The following SLCO4A1 variants were observed in gnomAD, a reference collection of about 807,000 sequenced individuals.
SLCO4A1 encodes the protein colon organic anion transporter.
Under a neutral mutation model 64.6 loss-of-function variants are expected in SLCO4A1, and 51 were observed. That is an observed-to-expected ratio of 0.79 (90% CI 0.63 to 1.00). The LOEUF (loss-of-function observed/expected upper bound fraction) is 1.00. SLCO4A1 is among the 50% of genes least tolerant of loss of function. SLCO4A1 has a pLI of 0.00. For synonymous variants in SLCO4A1, 471 were observed against 444.9 expected, an observed-to-expected ratio of 1.06 and a Z score of -0.74; for missense variants, 919 against 980.5, an observed-to-expected ratio of 0.94 and a Z score of 0.84.
In SLCO4A1 at chr20:62,671,784, T is replaced by C; in HGVS notation, c.2060T>C (p.Phe687Ser). Residue 687 changes from phenylalanine (F) to serine (S), a missense_variant, in exon 12 of 12, where the codon TTC (phenylalanine) becomes TCC (serine). Coordinates refer to ENST00000217159, the MANE Select transcript of SLCO4A1 (RefSeq NM_016354.4). ...GTCCTCTTCTTTGCCATAGCCTGCTTCTTATACAAGCCCCTGTCGGAGTCT... is the reference window on the plus strand; with the variant it reads ...GTCCTCTTCTTTGCCATAGCCTGCTCCTTATACAAGCCCCTGTCGGAGTCT... ...LGVLFFAIAC[F>S]LYKPLSESSD... 1 of 1,613,670 alleles carries C rather than the reference T, an allele frequency of 6.2e-7. No homozygotes were observed. Among genetic ancestry groups the C allele is most frequent in the Non-Finnish European group, 8.5e-7 (1 of 1,179,996 alleles).
rs1400378171 is a variant in SLCO4A1 at position 62,661,315 on chromosome 20, T to G, written c.1121+140T>G. ...CTGTCGTGACCCTGGGCCAAGAGAT[T>G]AAGGAGCAACAGATAGAGCCTCTGG... On this transcript the variant is annotated intron_variant, in intron 5 of 11. Coordinates refer to ENST00000217159, the MANE Select transcript of SLCO4A1 (RefSeq NM_016354.4). The surrounding 1 kb of genome is among the most constrained non-coding windows in gnomAD (Gnocchi z 5.2). 9.3e-6 allele frequency: 6 copies of G among 647,260 alleles called. No individual in the cohort carries two copies. The highest frequency in any genetic ancestry group is 1.4e-5 in the Non-Finnish European group (5 of 363,166). The allele number at this position is 647,260 out of a possible 1,614,324, so 40.1% of individuals were successfully genotyped here. A position where few individuals can be genotyped will look rare whatever the true frequency, so the allele number is the denominator to read the frequency against.
At chr20:62,688,571 G>A (rs1269259621), downstream of SLCO4A1, among the ~76,000 whole-genome samples, 1 of 152,238 alleles carries the variant, frequency 6.6e-6, no homozygotes, top group Admixed American at 6.5e-5. Flanking sequence ...AAGAGCAGCA[G>A]CTCAGGCTTT....
chr20:62,660,530 C>A lies in SLCO4A1; in HGVS notation c.1006C>A (p.Pro336Thr), dbSNP rs1196486749. The A allele has an allele frequency of 6.2e-7, 1 of 1,604,898 alleles. No homozygotes were observed. The highest frequency in any genetic ancestry group is 8.5e-7 in the Non-Finnish European group (1 of 1,179,898). The change falls in exon 4 of 12, where the codon CCA becomes ACA. Residue 336 changes from proline (P) to threonine (T), a missense_variant. By Grantham distance (38) the Pro-to-Thr change is conservative. Coordinates refer to ENST00000217159, the MANE Select transcript of SLCO4A1 (RefSeq NM_016354.4). ...VPILGYPRQL[P>T]GSQRYAVMRA... ...CATCCTTGGTTACCCTCGGCAGCTG[C>A]CAGGTGGGTTTCCCTTCCCCAGCCC...
At position 62,670,682 on chromosome 20, in the gene SLCO4A1, AG is replaced by A. The variant is rs527539142; in HGVS notation, c.2026-1066del. Among the ~76,000 whole-genome samples, 358 of 152,330 alleles carry A rather than the reference AG, an allele frequency of 2.4e-3. 1 individual carries two copies. Among genetic ancestry groups the A allele is most frequent in the African/African-American group, 8.0e-3 (331 of 41,584 alleles). ...GATGCATCCCTTAGCTGGGAGCAGC[AG>A]GCTGAGAGCCCTCCACACGCAGCCA... On this transcript the variant is annotated intron_variant, in intron 11 of 11. Coordinates refer to ENST00000217159, the MANE Select transcript of SLCO4A1 (RefSeq NM_016354.4).
At position 62,672,024 on chromosome 20, in the gene SLCO4A1, AG is replaced by A. The variant is rs1193533504; in HGVS notation, c.*132del. ...ACCTTCTACTTAACCTGTGGTTTAA[AG>A]TCGGCTGTGACCTCCTGTCCCCAGA... On this transcript the variant is annotated 3_prime_UTR_variant, in exon 12 of 12. Transcript: ENST00000217159. 1 of 1,570,034 alleles carries A rather than the reference AG, an allele frequency of 6.4e-7. No homozygotes were observed.
chr20:62,664,780 TCCCA>T (rs1020565651), intron 5 of SLCO4A1, 150 bp from the exon 6 acceptor site: 5 of 901,258 alleles, frequency 5.5e-6, no homozygotes, highest in African/African-American at 5.1e-5. Context: ...AGCAGGTTCC[TCCCA>T]CCCTGGGTCT....
rs1039617480 is a variant in SLCO4A1 at position 62,657,063 on chromosome 20, G to C, written c.609G>C (p.Ala203=). 6.3e-7 allele frequency: 1 copy of C among 1,598,794 alleles called. No individual in the cohort carries two copies. Among genetic ancestry groups the C allele is most frequent in the South Asian group, 1.1e-5 (1 of 90,650 alleles). ...TAGRYEVELD[A]GVRTCPANPG... is the part of the protein sequence containing the mutation. ...GCCGCTATGAGGTGGAGTTGGACGC[G>C]GGTGTCAGGACGTGCCCTGCCAACC... Residue 203 remains alanine (A), a synonymous_variant, in exon 2 of 12, where the codon GCG becomes GCC. Coordinates refer to ENST00000217159, the MANE Select transcript of SLCO4A1 (RefSeq NM_016354.4).
chr20:62,660,280 G>T, intron 3 of SLCO4A1, 132 bp from the exon 4 acceptor site: 1 of 1,001,246 alleles, frequency 1.0e-6, no homozygotes, highest in Non-Finnish European at 1.4e-6. Flanking sequence ...AGCACCAGGG[G>T]CCTGTGTTGA....
At chr20:62,666,880 C>T (rs933510083) in intron 7 of SLCO4A1, among the ~76,000 whole-genome samples, 3 of 152,034 alleles carry the variant, frequency 2.0e-5, no homozygotes, top group Non-Finnish European at 2.9e-5. Flanking sequence ...CCCTAGTGTT[C>T]GGGGTCCTTG....
chr20:62,648,978 G>GTAT (rs1279264884), intron 1 of SLCO4A1: 2 of 152,286 alleles, frequency 1.3e-5, no homozygotes, highest in African/African-American at 4.8e-5. Context: ...GGACTGGCTT[G>GTAT]TATTAGTCTG....
downstream of SLCO4A1, among the ~76,000 whole-genome samples, chr20:62,676,992 G>C (rs1569154339): frequency 6.6e-6 from 1 of 152,248 alleles, no homozygotes; most frequent in Non-Finnish European, 1.5e-5. Flanking sequence ...GCTATGGTGT[G>C]CAGGTGCGCA....
At chr20:62,654,813 T>C (rs543863701) in intron 1 of SLCO4A1, among the ~76,000 whole-genome samples, 81 of 152,282 alleles carry the variant, frequency 5.3e-4, no homozygotes, top group African/African-American at 1.8e-3. Flanking sequence ...GACCCCAGAC[T>C]GTGGACTTAG....
intron 1 of SLCO4A1, 55 bp from the exon 2 acceptor site, chr20:62,656,280 GTGTGCTGGAATGTTCCCTCCTGGA>G (rs1318760664): frequency 1.8e-5 from 11 of 596,328 alleles, no homozygotes; most frequent in Non-Finnish European, 3.2e-5. Flanking sequence ...CCCGTGATGG[GTGTGCTGGAATGTTCCCTCCTGGA>G]TGTGCTGTAC....
chr20:62,682,305 T>A (rs1987870929), intron 2 of SLCO4A1, among the ~76,000 whole-genome samples: 1 of 152,220 alleles, frequency 6.6e-6, no homozygotes, highest in Non-Finnish European at 1.5e-5. Context: ...CAGAGTTTGA[T>A]GTCACCATGG....
chr20:62,657,378 G>A (rs1284198890), intron 2 of SLCO4A1, 128 bp downstream of exon 2: 1 of 916,534 alleles, frequency 1.1e-6, no homozygotes, highest in African/African-American at 1.7e-5. Context: ...TGGCCCTGGG[G>A]CTGCTGCAAG....
chr20:62,676,106 T>G (rs181726991), downstream of SLCO4A1, among the ~76,000 whole-genome samples: 1 of 152,216 alleles, frequency 6.6e-6, no homozygotes. Flanking sequence ...CTTATTCTTC[T>G]GTGCATTTAA....
Position 62,672,163 on chromosome 20 carries a change from T to G in SLCO4A1, c.*270T>G. 1.5e-6 allele frequency: 2 copies of G among 1,351,116 alleles called. No individual in the cohort carries two copies. The highest frequency in any genetic ancestry group is 1.5e-5 in the South Asian group (1 of 64,600). The allele number at this position is 1,351,116 out of a possible 1,614,324, so 83.7% of individuals were successfully genotyped here. On this transcript the variant is annotated 3_prime_UTR_variant, in exon 12 of 12. Coordinates refer to ENST00000217159, the MANE Select transcript of SLCO4A1 (RefSeq NM_016354.4). The stretch of plus-strand genomic sequence containing the variant: ...GTGTTTTATACCCGATCGTGTGTGG[T>G]GTGCGTGAGGACAAACTCCGCAGGG...
chr20:62,651,808 A>C (rs1982551746), intron 1 of SLCO4A1: 1 of 151,606 alleles, frequency 6.6e-6, no homozygotes, highest in African/African-American at 2.4e-5. Context: ...CTTCCCCCTT[A>C]CCTGCTTTGG....
At chr20:62,655,534 C>T (rs1035292669) in intron 1 of SLCO4A1, among the ~76,000 whole-genome samples, 2 of 152,148 alleles carry the variant, frequency 1.3e-5, no homozygotes, top group East Asian at 1.9e-4. Flanking sequence ...GGGAGTGAGG[C>T]GGTGCCCTGT....
Sources: gnomAD v4.1 joint callset for allele counts (sites outside exome capture counted in the v4.1 genomes callset) on GRCh38, gnomAD v4.1.1 for gene constraint, Gnocchi (gnomAD v3.1) non-coding constraint, MANE v1.5 for transcripts, NCBI Gene and HGNC (gene_info 2026-07-23, HGNC 2026-07-21) for gene names.